The following NLGN4Y variants were observed in gnomAD, a reference collection of about 807,000 sequenced individuals.
The protein encoded by NLGN4Y is neuroligin 4 Y-linked.
A neutral mutation model predicts 8.4 loss-of-function variants in NLGN4Y; 4 were observed. The ratio of observed to expected loss-of-function variants is 0.48; its 90% CI spans 0.23 to 1.09. NLGN4Y has a LOEUF of 1.09. Among genes scored for constraint, NLGN4Y ranks in the 50% least tolerant of loss-of-function variants. The probability of loss-of-function intolerance (pLI) is 0.19; values close to 1 mark genes in which losing one functional copy is unlikely to be tolerated. For missense variants in NLGN4Y, 90 were observed against 192.3 expected, an observed-to-expected ratio of 0.47 and a Z score of 3.15; for synonymous variants, 35 against 75.6, an observed-to-expected ratio of 0.46 and a Z score of 2.78.
intron 4 of NLGN4Y, among the ~76,000 whole-genome samples, chrY:14,740,471 C>A (rs1036098366): frequency 1.8e-4 from 6 of 33,678 alleles, no homozygotes; most frequent in Non-Finnish European, 4.4e-4. Flanking sequence ...TTCTCAGCAG[C>A]AGCTGAACTC....
intron 1 of NLGN4Y, among the ~76,000 whole-genome samples, chrY:14,557,042 C>G: frequency 3.0e-5 from 1 of 33,512 alleles, no homozygotes; most frequent in Non-Finnish European, 7.4e-5. Context: ...CCTTGGCCCC[C>G]TAAAGTTTCA....
At chrY:14,595,595 G>A (rs911890636) in intron 1 of NLGN4Y, among the ~76,000 whole-genome samples, 1 of 32,833 alleles carries the variant, frequency 3.0e-5, no homozygotes, top group Non-Finnish European at 7.5e-5. Context: ...GAAAAAAAAT[G>A]AGCTGCCTCT....
intron 2 of NLGN4Y, among the ~76,000 whole-genome samples, chrY:14,636,538 G>A (rs2080565845): frequency 3.0e-5 from 1 of 33,675 alleles, no homozygotes; most frequent in Non-Finnish European, 7.3e-5. Context: ...ATATTAAAAT[G>A]TTAACAAATT....
chrY:14,538,386 T>A, intron 1 of NLGN4Y, among the ~76,000 whole-genome samples: 1 of 34,552 alleles, frequency 2.9e-5, no homozygotes, highest in East Asian at 7.6e-4. Flanking sequence ...GTGAAGTGCA[T>A]GATTTCATTT....
chrY:14,707,129 A>ATC (rs2080884058), intron 2 of NLGN4Y, among the ~76,000 whole-genome samples: 1 of 14,709 alleles, frequency 6.8e-5, no homozygotes, highest in African/African-American at 2.7e-4. Flanking sequence ...ATATATATAT[A>ATC]TATATCTGTA....
At chrY:14,702,149 CT>C (rs2080850449) in intron 2 of NLGN4Y, among the ~76,000 whole-genome samples, 1 of 32,248 alleles carries the variant, frequency 3.1e-5, no homozygotes, top group Non-Finnish European at 7.6e-5. Context: ...GGCACTGCAC[CT>C]GGCCATAAAT....
chrY:14,587,146 T>A (rs2080344412), intron 1 of NLGN4Y, among the ~76,000 whole-genome samples: 1 of 34,235 alleles, frequency 2.9e-5, no homozygotes. Context: ...ATTTCGTTTA[T>A]GTGATCAAGA....
chrY:14,623,172 G>A, intron 2 of NLGN4Y, among the ~76,000 whole-genome samples: 2 of 33,493 alleles, frequency 6.0e-5, no homozygotes, highest in Non-Finnish European at 1.5e-4. Flanking sequence ...GATCCACTAC[G>A]ATCAAATGAC....
chrY:14,827,755 C>G, intron 5 of NLGN4Y, among the ~76,000 whole-genome samples: 1 of 33,329 alleles, frequency 3.0e-5, no homozygotes, highest in African/African-American at 1.2e-4. Flanking sequence ...GCACTCCAGC[C>G]TGGGTAGCAG....
chrY:14,657,355 G>GATTTCTCCTTCTC (rs2080657586), intron 2 of NLGN4Y, among the ~76,000 whole-genome samples: 1 of 32,554 alleles, frequency 3.1e-5, no homozygotes, highest in African/African-American at 1.2e-4. Context: ...TGATTGTGAT[G>GATTTCTCCTTCTC]ATTTCTCCTT....
chrY:14,578,958 C>T (rs765513091), intron 1 of NLGN4Y, among the ~76,000 whole-genome samples: 13 of 34,193 alleles, frequency 3.8e-4, no homozygotes, highest in Admixed American at 5.3e-4. Flanking sequence ...AAAGCATTTA[C>T]GCTGATGTAT....
At chrY:14,774,126 G>A (rs2081117149) in intron 4 of NLGN4Y, among the ~76,000 whole-genome samples, 2 of 33,531 alleles carry the variant, frequency 6.0e-5, no homozygotes, top group Non-Finnish European at 7.4e-5. Flanking sequence ...AACACCAAAA[G>A]CAATGGCAAC....
intron 4 of NLGN4Y, among the ~76,000 whole-genome samples, chrY:14,803,026 A>G (rs2150584432): frequency 4.4e-5 from 1 of 22,928 alleles, no homozygotes; most frequent in Non-Finnish European, 8.8e-5. Context: ...TAATTATTTT[A>G]CATATAATAT....
At chrY:14,690,450 C>A (rs2080806175) in intron 2 of NLGN4Y, among the ~76,000 whole-genome samples, 1 of 32,601 alleles carries the variant, frequency 3.1e-5, no homozygotes, top group Non-Finnish European at 7.5e-5. Context: ...TGTTGAAATT[C>A]CTTGGCTCAG....
chrY:14,740,798 A>G, intron 4 of NLGN4Y, among the ~76,000 whole-genome samples: 1 of 34,074 alleles, frequency 2.9e-5, no homozygotes, highest in Non-Finnish European at 7.3e-5. Context: ...TTTGAAAGCC[A>G]GAAGAATGCA....
chrY:14,673,051 GT>G (rs2080726277), intron 2 of NLGN4Y, among the ~76,000 whole-genome samples: 1 of 26,381 alleles, frequency 3.8e-5, no homozygotes, highest in African/African-American at 1.6e-4. Flanking sequence ...AGACTTAAAC[GT>G]TAGACCTAAA....
intron 1 of NLGN4Y, among the ~76,000 whole-genome samples, chrY:14,553,246 C>A (rs2080200559): frequency 3.0e-5 from 1 of 32,790 alleles, no homozygotes; most frequent in Non-Finnish European, 7.4e-5. Context: ...AGGAGAGCTA[C>A]AAACCACTGT....
intron 2 of NLGN4Y, among the ~76,000 whole-genome samples, chrY:14,712,817 T>A (rs778521660): frequency 2.1e-4 from 7 of 33,940 alleles, no homozygotes; most frequent in Middle Eastern, 0.014. Flanking sequence ...ATAGAAGGAA[T>A]GGGCTTATGA....
chrY:14,586,659 C>A (rs915966487), intron 1 of NLGN4Y, among the ~76,000 whole-genome samples: 15 of 31,750 alleles, frequency 4.7e-4, no homozygotes, highest in Non-Finnish European at 9.9e-4. Flanking sequence ...GAAGCCCCGG[C>A]TCTACTAAAA....
Sources: allele counts gnomAD v4.1 joint callset (sites outside exome capture counted in the v4.1 genomes callset), GRCh38; gene constraint gnomAD v4.1.1; transcripts MANE v1.5; gene names NCBI Gene and HGNC (gene_info 2026-07-23, HGNC 2026-07-21).